PODXL2: variants seen among roughly 807,000 people sequenced by gnomAD.
PODXL2 encodes podocalyxin-like protein 2.
A neutral mutation model predicts 53.4 loss-of-function variants in PODXL2; 17 were observed. That is an observed-to-expected ratio of 0.32 (90% CI 0.22 to 0.48). The LOEUF (loss-of-function observed/expected upper bound fraction) is 0.48, where lower values mean the gene tolerates loss of function less well. Among genes scored for constraint, PODXL2 ranks in the 20% least tolerant of loss-of-function variants. PODXL2 has a pLI of 0.99. For synonymous variants in PODXL2, 311 were observed against 306.7 expected (o/e 1.01, Z -0.15); for missense variants, 673 against 760.0 (o/e 0.89, Z 1.35).
chr3:127,642,029 C>T (rs577215315), intron 2 of PODXL2, among the ~76,000 whole-genome samples: 57 of 151,708 alleles, frequency 3.8e-4, no homozygotes, highest in African/African-American at 1.3e-3. Context: ...ACGTGGCTCA[C>T]GCCTGTGATT....
rs569018480 is a variant in PODXL2 at position 127,662,364 on chromosome 3, A to G, written c.1206+53A>G. On this transcript the variant is annotated intron_variant, in intron 4 of 7. Coordinates refer to ENST00000342480, the MANE Select transcript of PODXL2 (RefSeq NM_015720.4). ...CAGGGAAAGGCTGCAGGCAGTGGAC[A>G]GGGTGGGGCAGAGGGCAGGCTGGGG... 2,909 of 1,460,498 alleles carry G rather than the reference A, an allele frequency of 2.0e-3. 1 individual carries two copies. The highest frequency in any genetic ancestry group is 2.3e-3 in the Non-Finnish European group (2,379 of 1,053,502). The allele number at this position is 1,460,498 out of a possible 1,614,324, so 90.5% of individuals were successfully genotyped here.
intron 2 of PODXL2, among the ~76,000 whole-genome samples, chr3:127,656,966 C>T (rs2074728894): frequency 6.8e-6 from 1 of 148,054 alleles, no homozygotes; most frequent in African/African-American, 2.5e-5. Context: ...ACTTGAGCCT[C>T]GGAGTTTGAG....
chr3:127,645,916 A>G (rs568693485), intron 2 of PODXL2, among the ~76,000 whole-genome samples: 93 of 152,230 alleles, frequency 6.1e-4, no homozygotes, highest in Middle Eastern at 6.8e-3. Context: ...AGTCAAAAGA[A>G]CCTTGAGAGG....
At chr3:127,635,876 G>T (rs1433823623) in intron 1 of PODXL2, among the ~76,000 whole-genome samples, 1 of 152,220 alleles carries the variant, frequency 6.6e-6, no homozygotes, top group Non-Finnish European at 1.5e-5. Context: ...CTTCAAGTTT[G>T]TCATCAGCTG....
intron 2 of PODXL2, among the ~76,000 whole-genome samples, chr3:127,642,291 G>GGAAAAAAAAAAAA (rs1271994297): frequency 5.2e-5 from 4 of 77,240 alleles, no homozygotes; most frequent in African/African-American, 1.8e-4. Flanking sequence ...CTCCATCTCA[G>GGAAAAAAAAAAAA]AAAAAAAAAA....
intron 1 of PODXL2, 80 bp from the exon 2 acceptor site, chr3:127,639,165 T>G (rs2074597347): frequency 2.1e-6 from 3 of 1,406,882 alleles, no homozygotes; most frequent in Non-Finnish European, 2.9e-6. Flanking sequence ...ACCTTTGTCA[T>G]TTGAGACATG....
chr3:127,636,225 A>C (rs1221119426), intron 1 of PODXL2, among the ~76,000 whole-genome samples: 1 of 152,190 alleles, frequency 6.6e-6, no homozygotes, highest in African/African-American at 2.4e-5. Context: ...CTCAGGAAGA[A>C]CCTTAAGAAG....
At chr3:127,642,580 G>A (rs72965781) in intron 2 of PODXL2, among the ~76,000 whole-genome samples, 5 of 151,674 alleles carry the variant, frequency 3.3e-5, no homozygotes, top group African/African-American at 9.7e-5. Context: ...GGGAGGAGAC[G>A]AAGAGAATGA....
chr3:127,649,799 T>A (rs1397132241), intron 2 of PODXL2, among the ~76,000 whole-genome samples: 1 of 152,050 alleles, frequency 6.6e-6, no homozygotes, highest in Admixed American at 6.5e-5. Context: ...TGGCTGGGTG[T>A]GGTGGTGGGT....
chr3:127,662,390 G>A (rs909321500), intron 4 of PODXL2, 79 bp downstream of exon 4: 3 of 1,147,344 alleles, frequency 2.6e-6, no homozygotes, highest in Non-Finnish European at 3.8e-6. Flanking sequence ...CAGGCTGGGG[G>A]GACAAGCAGT....
intron 1 of PODXL2, among the ~76,000 whole-genome samples, chr3:127,631,602 G>T (rs962282687): frequency 7.9e-5 from 12 of 152,170 alleles, no homozygotes; most frequent in African/African-American, 2.7e-4. Flanking sequence ...TCAATCACAC[G>T]CAGAGTGTAA....
intron 4 of PODXL2, among the ~76,000 whole-genome samples, chr3:127,668,101 CGTGTGTGTGTGT>C (rs55716588): frequency 8.0e-4 from 116 of 145,846 alleles, no homozygotes; most frequent in Middle Eastern, 3.5e-3. Context: ...TACATGGCTG[CGTGTGTGTGTGT>C]GTGTGTGTGT....
At chr3:127,655,548 C>G (rs914715300) in intron 2 of PODXL2, among the ~76,000 whole-genome samples, 5 of 152,152 alleles carry the variant, frequency 3.3e-5, no homozygotes, top group African/African-American at 1.2e-4. Context: ...CCCTGTGTGG[C>G]AGGTACTATT....
intron 2 of PODXL2, among the ~76,000 whole-genome samples, chr3:127,650,795 T>C (rs1007265472): frequency 6.6e-6 from 1 of 152,104 alleles, no homozygotes; most frequent in African/African-American, 2.4e-5. Context: ...TAGCTGGGAC[T>C]ACAGGCACCC....
chr3:127,637,865 A>G (rs534892010), intron 1 of PODXL2, among the ~76,000 whole-genome samples: 1 of 152,346 alleles, frequency 6.6e-6, no homozygotes, highest in East Asian at 1.9e-4. Context: ...TTCAGTGGCC[A>G]GTCACAGTAT....
At chr3:127,664,906 T>G (rs1233704609) in intron 4 of PODXL2, among the ~76,000 whole-genome samples, 1 of 152,176 alleles carries the variant, frequency 6.6e-6, no homozygotes, top group African/African-American at 2.4e-5. Flanking sequence ...ATTAGTTTCT[T>G]TGCCAGATTC....
At chr3:127,632,895 A>C (rs1049295360) in intron 1 of PODXL2, among the ~76,000 whole-genome samples, 1 of 152,212 alleles carries the variant, frequency 6.6e-6, no homozygotes, top group East Asian at 1.9e-4. Context: ...TTTACCTCTA[A>C]TAAGAGCACA....
intron 5 of PODXL2, 118 bp downstream of exon 5, chr3:127,668,715 T>A: frequency 1.0e-6 from 1 of 988,162 alleles, no homozygotes; most frequent in Non-Finnish European, 1.4e-6. Context: ...TCCAGGACAG[T>A]AGTTTGAGCT....
At position 127,672,570 on chromosome 3, in the gene PODXL2, C is replaced by T. The variant is rs2074859309; in HGVS notation, c.*90C>T. ...GCCCGGAGCCCGCACCAGCCCCGCG[C>T]CTACCCGGGCCGCCCCCGCGGCCTG... On this transcript the variant is annotated 3_prime_UTR_variant, in exon 8 of 8. Coordinates refer to ENST00000342480, the MANE Select transcript of PODXL2 (RefSeq NM_015720.4). 2.4e-6 allele frequency: 2 copies of T among 835,216 alleles called. No homozygotes were observed. Among genetic ancestry groups the T allele is most frequent in the African/African-American group, 1.8e-5 (1 of 55,174 alleles). 51.7% of individuals were successfully genotyped at this position (835,216 alleles called of 1,614,324 possible). A position where few individuals can be genotyped will look rare whatever the true frequency, so the allele number is the denominator to read the frequency against.
Sources: allele counts gnomAD v4.1 joint callset (sites outside exome capture counted in the v4.1 genomes callset), GRCh38; gene constraint gnomAD v4.1.1; transcripts MANE v1.5; gene names NCBI Gene and HGNC (gene_info 2026-07-23, HGNC 2026-07-21).